Variants in ADPRHL1 observed in about 807,000 individuals in gnomAD.
ADPRHL1 encodes inactive ADP-ribosyltransferase ARH2.
In ADPRHL1, 43 loss-of-function variants were observed where a neutral mutation model predicts 44.1. The ratio of observed to expected loss-of-function variants is 0.98; its 90% confidence interval spans 0.76 to 1.26. The LOEUF is 1.26. Ranked by LOEUF, ADPRHL1 falls within the 50% of genes most tolerant of loss-of-function variation. The probability of loss-of-function intolerance (pLI) is 0.00; values close to 1 mark genes in which losing one functional copy is unlikely to be tolerated. For missense variants in ADPRHL1, 2,022 were observed against 2,496.9 expected (o/e 0.81, Z 4.05); for synonymous variants, 878 against 1,017.4 (o/e 0.86, Z 2.61).
chr13:113,452,765 T>C (rs1040728497), intron 1 of ADPRHL1, among the ~76,000 whole-genome samples: 12 of 152,338 alleles, frequency 7.9e-5, no homozygotes, highest in African/African-American at 2.6e-4. Context: ...ACAGTATTAA[T>C]GGGTTCACAT....
chr13:113,414,380 C>T (rs1228698722), intron 7 of ADPRHL1, among the ~76,000 whole-genome samples: 3 of 151,966 alleles, frequency 2.0e-5, no homozygotes, highest in South Asian at 2.1e-4. Flanking sequence ...AGCCTGGAGC[C>T]GCCCCCCCTT....
chr13:113,426,793 A>G (rs934210703), intron 4 of ADPRHL1, among the ~76,000 whole-genome samples: 3 of 152,234 alleles, frequency 2.0e-5, no homozygotes, highest in Admixed American at 6.5e-5. Flanking sequence ...GACTGAAAGC[A>G]CTGCCTCTCA....
Position 113,407,734 on chromosome 13 carries a change from C to T in ADPRHL1, c.1548G>A (p.Glu516=), listed in dbSNP as rs964741116. The change falls in exon 8 of 8, where the codon GAG becomes GAA. Residue 516 remains glutamate (E), a synonymous_variant. Transcript: ENST00000612156. ...TCTCGCGTGCTTCTTTCTCCTTCGCCTCCTTCTCCTCGGCGGCCAAGAATA... is the reference window on the plus strand; with the variant it reads ...TCTCGCGTGCTTCTTTCTCCTTCGCTTCCTTCTCCTCGGCGGCCAAGAATA... The part of the protein sequence containing the change: ...LKIFLAAEEK[E]AKEKEAREKP... 4.7e-5 allele frequency: 58 copies of T among 1,232,030 alleles called. No individual in the cohort carries two copies. The highest frequency in any genetic ancestry group is 5.8e-5 in the Non-Finnish European group (57 of 988,062). The allele number at this position is 1,232,030 out of a possible 1,614,324, so 76.3% of individuals were successfully genotyped here. A position where few individuals can be genotyped will look rare whatever the true frequency, so the allele number is the denominator to read the frequency against.
At chr13:113,429,923 A>G (rs1227429006) in intron 3 of ADPRHL1, among the ~76,000 whole-genome samples, 2 of 152,236 alleles carry the variant, frequency 1.3e-5, no homozygotes, top group African/African-American at 4.8e-5. Flanking sequence ...GTTTACTGAA[A>G]AATAAATGCA....
chr13:113,423,015 C>T, intron 6 of ADPRHL1, 36 bp from the exon 7 acceptor site: 1 of 1,611,624 alleles, frequency 6.2e-7, no homozygotes, highest in Non-Finnish European at 8.5e-7. Context: ...GTGGGCTCCA[C>T]CTGACCAGGG....
Position 113,406,403 on chromosome 13 carries a change from C to A in ADPRHL1, c.2879G>T (p.Gly960Val). ...TDPAGGKENK[G>V]SFENSHGPRN... Reference sequence around the variant, plus strand: ...GGGACCGTGTGAATTCTCAAAGCTGCCTTTGTTTTCCTTCCCGCCAGCAGG... The same window carrying A: ...GGGACCGTGTGAATTCTCAAAGCTGACTTTGTTTTCCTTCCCGCCAGCAGG... The change falls in exon 8 of 8, where the codon GGC (glycine) becomes GTC (valine). Residue 960 changes from glycine (G) to valine (V), a missense_variant. Physicochemically the swap from Gly to Val is moderately radical, Grantham distance 109. Transcript: ENST00000612156. The A allele has an allele frequency of 1.6e-6, 2 of 1,232,116 alleles. No homozygotes were observed. Among genetic ancestry groups the A allele is most frequent in the Non-Finnish European group, 2.0e-6 (2 of 987,986 alleles). 76.3% of individuals were successfully genotyped at this position (1,232,116 alleles called of 1,614,324 possible). A position where few individuals can be genotyped will look rare whatever the true frequency, so the allele number is the denominator to read the frequency against.
intron 7 of ADPRHL1, among the ~76,000 whole-genome samples, chr13:113,421,585 G>A (rs558731442): frequency 1.1e-4 from 16 of 152,288 alleles, no homozygotes; most frequent in Admixed American, 9.8e-4. Flanking sequence ...AGTGGTTGGC[G>A]GGGCTGGCCC....
At chr13:113,421,976 T>C (rs1374604372) in intron 7 of ADPRHL1, 1 of 152,240 alleles carries the variant, frequency 6.6e-6, no homozygotes, top group Non-Finnish European at 1.5e-5. Flanking sequence ...TCACACCAGA[T>C]GCTGCATGGA....
At chr13:113,416,758 C>T (rs537815204) in intron 7 of ADPRHL1, among the ~76,000 whole-genome samples, 1 of 152,270 alleles carries the variant, frequency 6.6e-6, no homozygotes, top group African/African-American at 2.4e-5. Context: ...AGGTTAAATT[C>T]CGATTTTGAA....
At position 113,404,676 on chromosome 13, in the gene ADPRHL1, C is replaced by T; in HGVS notation, c.4606G>A (p.Ala1536Thr). Residue 1536 changes from alanine (A) to threonine (T), a missense_variant, in exon 8 of 8, where the codon GCC becomes ACC. Physicochemically the swap from Ala to Thr is moderately conservative, Grantham distance 58. Around this residue, in one of 8 missense-constraint regions of ADPRHL1, gnomAD observed 32 missense variants for 72.6 expected, o/e 0.44. Coordinates refer to ENST00000612156, the MANE Select transcript of ADPRHL1 (RefSeq NM_001394807.1). ...GGTQGHSQGQ[A>T]QKQFQNWAQG... ...GCCCAATTCTGAAACTGTTTCTGGG[C>T]CTGTCCCTGACTGTGTCCCTGGGTC... is the stretch of plus-strand genomic sequence containing the variant. 1 of 1,301,980 alleles carries T rather than the reference C, an allele frequency of 7.7e-7. No individual in the cohort carries two copies. Among genetic ancestry groups the T allele is most frequent in the East Asian group, 3.1e-5 (1 of 32,180 alleles). 80.7% of individuals were successfully genotyped at this position (1,301,980 alleles called of 1,614,324 possible).
intron 7 of ADPRHL1, among the ~76,000 whole-genome samples, chr13:113,410,978 C>T (rs1428647477): frequency 2.0e-5 from 3 of 152,342 alleles, no homozygotes; most frequent in Non-Finnish European, 2.9e-5. Flanking sequence ...GTTTTGTCCC[C>T]GCTCTGGGCA....
At chr13:113,411,202 T>C (rs2043850305) in intron 7 of ADPRHL1, among the ~76,000 whole-genome samples, 1 of 152,184 alleles carries the variant, frequency 6.6e-6, no homozygotes, top group African/African-American at 2.4e-5. Flanking sequence ...TTAAACCAGC[T>C]CATCCTCCTG....
intron 3 of ADPRHL1, among the ~76,000 whole-genome samples, chr13:113,432,881 C>T (rs769678244): frequency 9.2e-5 from 14 of 152,148 alleles, no homozygotes; most frequent in African/African-American, 1.4e-4. Context: ...AGTTTTGAGT[C>T]CTTTTTGCTT....
chr13:113,424,811 TG>T (rs2043955160), intron 5 of ADPRHL1, among the ~76,000 whole-genome samples: 2 of 4,000 alleles, frequency 5.0e-4, no homozygotes, highest in East Asian at 0.022. Flanking sequence ...CACCCACCCA[TG>T]CACCCATCCA....
chr13:113,414,920 C>G (rs1413834942), intron 7 of ADPRHL1, among the ~76,000 whole-genome samples: 1 of 151,946 alleles, frequency 6.6e-6, no homozygotes, highest in African/African-American at 2.4e-5. Flanking sequence ...TGATCCATGC[C>G]CCTCAGCCTC....
intron 7 of ADPRHL1, among the ~76,000 whole-genome samples, chr13:113,414,099 C>T (rs2043874536): frequency 6.6e-6 from 1 of 152,198 alleles, no homozygotes; most frequent in Non-Finnish European, 1.5e-5. Flanking sequence ...GGCCCTGCGG[C>T]AGGGAACACC....
At chr13:113,446,217 C>CT (rs2044136705) in intron 1 of ADPRHL1, among the ~76,000 whole-genome samples, 1 of 137,660 alleles carries the variant, frequency 7.3e-6, no homozygotes, top group African/African-American at 2.7e-5. Flanking sequence ...TGTGAACCCC[C>CT]TAGAGAGCGC....
At chr13:113,426,076 G>A (rs113598441) in intron 4 of ADPRHL1, among the ~76,000 whole-genome samples, 24 of 152,316 alleles carry the variant, frequency 1.6e-4, no homozygotes, top group South Asian at 1.2e-3. Flanking sequence ...AGAGCAGGGC[G>A]TGGCATGTTT....
At chr13:113,433,377 G>T (rs935775390) in intron 3 of ADPRHL1, among the ~76,000 whole-genome samples, 13 of 152,196 alleles carry the variant, frequency 8.5e-5, no homozygotes, top group Non-Finnish European at 1.9e-4. Context: ...TGACACAAAT[G>T]ATACCAAAAC....
Sources: allele counts gnomAD v4.1 joint callset (sites outside exome capture counted in the v4.1 genomes callset), GRCh38; gene constraint gnomAD v4.1.1; regional missense constraint gnomAD v4.1.1; transcripts MANE v1.5; gene names NCBI Gene and HGNC (gene_info 2026-07-23, HGNC 2026-07-21).